The following GPHN variants were observed in gnomAD, a reference collection of about 807,000 sequenced individuals.
GPHN encodes gephyrin.
In GPHN, 17 loss-of-function variants were observed where a neutral mutation model predicts 95.5. That is an observed-to-expected ratio of 0.18 (90% confidence interval 0.12 to 0.27). The LOEUF is 0.27. Ranked by LOEUF, GPHN falls within the 10% of genes least tolerant of loss-of-function variation. The pLI, the probability that GPHN is intolerant of heterozygous loss-of-function variation, is 1.00. For synonymous variants in GPHN, 320 were observed against 322.5 expected (o/e 0.99, Z 0.08); for missense variants, 660 against 978.1 (o/e 0.67, Z 4.34).
At chr14:67,687,220 C>T in the GPHN span, among the ~76,000 whole-genome samples, 1 of 152,214 alleles carries the variant, frequency 6.6e-6, no homozygotes, top group African/African-American at 2.4e-5. Flanking sequence ...GCTGCAACCC[C>T]TCTTGCCCCC....
chr14:66,667,632 AC>A (rs1276929739), intron 1 of GPHN, among the ~76,000 whole-genome samples: 3 of 152,178 alleles, frequency 2.0e-5, no homozygotes, highest in Non-Finnish European at 4.4e-5. Flanking sequence ...CCTTCCTGAC[AC>A]CATACACAAG....
chr14:67,520,786 G>A, the GPHN span, among the ~76,000 whole-genome samples: 5 of 152,330 alleles, frequency 3.3e-5, no homozygotes, highest in East Asian at 9.6e-4. Flanking sequence ...CTCCATGCAG[G>A]TTTTTGTGTG....
intron 12 of GPHN, among the ~76,000 whole-genome samples, chr14:67,096,389 C>T (rs1238699877): frequency 3.3e-5 from 5 of 152,096 alleles, no homozygotes; most frequent in Non-Finnish European, 7.4e-5. Context: ...ACTCATTATT[C>T]AGTTTATTTA....
intron 2 of GPHN, among the ~76,000 whole-genome samples, chr14:66,753,354 C>T (rs1179423276): frequency 6.6e-6 from 1 of 152,112 alleles, no homozygotes; most frequent in East Asian, 1.9e-4. Context: ...CTTCAGTTAG[C>T]CATGTACTCA....
intron 2 of GPHN, among the ~76,000 whole-genome samples, chr14:66,769,323 T>C (rs1595845583): frequency 1.3e-5 from 2 of 152,186 alleles, no homozygotes; most frequent in East Asian, 3.8e-4. Flanking sequence ...TTATGTTACC[T>C]TTTTTAACTT....
chr14:67,576,861 G>A, the GPHN span, among the ~76,000 whole-genome samples: 2 of 152,146 alleles, frequency 1.3e-5, no homozygotes, highest in South Asian at 2.1e-4. This position sits in a 1 kb window ranked among gnomAD's most constrained non-coding sequence, Gnocchi z 4.0. Flanking sequence ...AATTGGGATC[G>A]GACTAACCTG....
the GPHN span, among the ~76,000 whole-genome samples, chr14:67,211,561 T>C: frequency 2.0e-5 from 3 of 152,202 alleles, no homozygotes; most frequent in African/African-American, 4.8e-5. Flanking sequence ...GAAAGCTACA[T>C]TTAAAAAGTA....
chr14:67,347,835 C>A, the GPHN span, among the ~76,000 whole-genome samples: 1 of 151,826 alleles, frequency 6.6e-6, no homozygotes, highest in African/African-American at 2.4e-5. Flanking sequence ...TTCTGTGTTT[C>A]TTTTTCATCA....
At chr14:66,875,364 A>G (rs576978732) in intron 4 of GPHN, among the ~76,000 whole-genome samples, 144 of 152,186 alleles carry the variant, frequency 9.5e-4, no homozygotes, top group Non-Finnish European at 1.8e-3. Context: ...GGGCAAAATA[A>G]CCAGCTAGCA....
At chr14:67,545,210 G>A in the GPHN span, among the ~76,000 whole-genome samples, 5 of 152,116 alleles carry the variant, frequency 3.3e-5, no homozygotes, top group Admixed American at 3.3e-4. Flanking sequence ...TGACTCGGAG[G>A]TTTCATACCT....
the GPHN span, chr14:67,651,346 G>A: frequency 6.2e-7 from 1 of 1,612,360 alleles, no homozygotes; most frequent in South Asian, 1.1e-5. Flanking sequence ...GCATTCACAA[G>A]GTCAAAGTTC....
At chr14:67,384,076 A>T in the GPHN span, 1 of 154,788 alleles carries the variant, frequency 6.5e-6, no homozygotes, top group African/African-American at 2.4e-5. Flanking sequence ...CTTAAAATGC[A>T]TTGAAAGAAT....
intron 11 of GPHN, among the ~76,000 whole-genome samples, chr14:67,060,344 A>C (rs1208923275): frequency 6.6e-6 from 1 of 152,170 alleles, no homozygotes; most frequent in East Asian, 1.9e-4. Flanking sequence ...GTACTTGAGC[A>C]GACTCTTCAT....
chr14:66,941,668 C>CA (rs2067436038), intron 8 of GPHN, among the ~76,000 whole-genome samples: 1 of 150,718 alleles, frequency 6.6e-6, no homozygotes, highest in South Asian at 2.1e-4. Context: ...CACACCCTTC[C>CA]AGTCAAAGCC....
the GPHN span, among the ~76,000 whole-genome samples, chr14:67,370,011 C>T: frequency 1.3e-5 from 2 of 152,334 alleles, no homozygotes; most frequent in South Asian, 2.1e-4. Flanking sequence ...GCAAACCAGT[C>T]ATTAGCATTG....
At chr14:67,660,012 T>C in the GPHN span, 3 of 1,302,434 alleles carry the variant, frequency 2.3e-6, no homozygotes, top group African/African-American at 4.5e-5. Flanking sequence ...AAACTACTTA[T>C]TTATTTGGAC....
At chr14:66,587,911 G>A (rs1378383722) in intron 1 of GPHN, among the ~76,000 whole-genome samples, 2 of 152,188 alleles carry the variant, frequency 1.3e-5, no homozygotes, top group African/African-American at 4.8e-5. Context: ...GCCTCCTCAA[G>A]TGGGTCCCTG....
chr14:67,381,682 C>G, the GPHN span: 8 of 1,610,688 alleles, frequency 5.0e-6, no homozygotes, highest in Non-Finnish European at 6.8e-6. Flanking sequence ...AGAAAACATG[C>G]CCATTAAGGT....
chr14:67,601,671 G>A, the GPHN span, among the ~76,000 whole-genome samples: 1 of 152,124 alleles, frequency 6.6e-6, no homozygotes, highest in Non-Finnish European at 1.5e-5. Context: ...GGGAGGCTGA[G>A]GAGGGCAGAT....
Sources: gnomAD v4.1 joint callset for allele counts (sites outside exome capture counted in the v4.1 genomes callset) on GRCh38, gnomAD v4.1.1 for gene constraint, Gnocchi (gnomAD v3.1) non-coding constraint, MANE v1.5 for transcripts, NCBI Gene and HGNC (gene_info 2026-07-23, HGNC 2026-07-21) for gene names.